Variants in RASAL2 observed in about 807,000 individuals in gnomAD.
RASAL2 encodes the protein RAS protein activator like 2, also known as ras GTPase-activating protein nGAP.
RASAL2 carries 58 observed loss-of-function variants against 128.9 expected under a neutral mutation model. The observed-to-expected ratio is 0.45, with a 90% CI of 0.36 to 0.56. The LOEUF is 0.56. Ranked by LOEUF, RASAL2 falls within the 20% of genes least tolerant of loss-of-function variation. The pLI is 0.00. For missense variants in RASAL2, 1,360 were observed against 1,601.6 expected, an observed-to-expected ratio of 0.85 and a Z score of 2.57; for synonymous variants, 561 against 580.8, an observed-to-expected ratio of 0.97 and a Z score of 0.49.
rs77534876 is a variant in RASAL2, at chr1:178,365,144, G to A, written c.458-24956G>A. ...CTATGTATATATTAAATATTCATAT[G>A]ATGGGAATACTTCTGATGCTAACAT... On this transcript the variant is annotated intron_variant, in intron 3 of 17. Coordinates refer to ENST00000367649, the MANE Select transcript of RASAL2 (RefSeq NM_170692.4). Among the ~76,000 whole-genome samples, 937 of 151,748 alleles carry A rather than the reference G, an allele frequency of 6.2e-3. 6 individuals carry two copies. Among genetic ancestry groups the A allele is most frequent in the African/African-American group, 0.021 (878 of 41,350 alleles).
At chr1:178,241,669 CA>C (rs1664504294) in intron 1 of RASAL2, among the ~76,000 whole-genome samples, 1 of 152,102 alleles carries the variant, frequency 6.6e-6, no homozygotes, top group Admixed American at 6.6e-5. Flanking sequence ...AATGGATGAC[CA>C]AAGTATTGCA....
chr1:178,380,964 G>A (rs764249065), intron 3 of RASAL2, among the ~76,000 whole-genome samples: 9 of 152,100 alleles, frequency 5.9e-5, no homozygotes, highest in Non-Finnish European at 1.2e-4. Flanking sequence ...TGAGTAATTA[G>A]GCCTGGTTTT....
At chr1:178,118,445 G>T (rs533988003) in intron 1 of RASAL2, among the ~76,000 whole-genome samples, 1 of 152,148 alleles carries the variant, frequency 6.6e-6, no homozygotes, top group Non-Finnish European at 1.5e-5. Context: ...TCATCTGGGG[G>T]TGATGGGAGA....
chr1:178,450,994 C>T (rs923092988), intron 9 of RASAL2, among the ~76,000 whole-genome samples: 2 of 152,104 alleles, frequency 1.3e-5, no homozygotes, highest in African/African-American at 4.8e-5. Context: ...CGTATGAACA[C>T]GGCTTCTAAA....
At chr1:178,433,458 C>T (rs1363555430) in intron 5 of RASAL2, among the ~76,000 whole-genome samples, 1 of 152,106 alleles carries the variant, frequency 6.6e-6, no homozygotes, top group African/African-American at 2.4e-5. Context: ...TTTTCTTCTT[C>T]ACCTTTGTAT....
intron 4 of RASAL2, among the ~76,000 whole-genome samples, chr1:178,402,625 T>C (rs1673714574): frequency 6.6e-6 from 1 of 152,188 alleles, no homozygotes; most frequent in African/African-American, 2.4e-5. Flanking sequence ...AACAAATCCA[T>C]CCTGATAGAC....
At chr1:178,158,443 A>G (rs1252600795) in intron 1 of RASAL2, among the ~76,000 whole-genome samples, 1 of 152,156 alleles carries the variant, frequency 6.6e-6, no homozygotes, top group African/African-American at 2.4e-5. Context: ...CATGAATGGT[A>G]GTGATTCTTA....
At chr1:178,160,399 C>T (rs1342296767) in intron 1 of RASAL2, among the ~76,000 whole-genome samples, 1 of 152,150 alleles carries the variant, frequency 6.6e-6, no homozygotes, top group African/African-American at 2.4e-5. Context: ...CTTCGGGAGG[C>T]CGAGATGGGT....
intron 1 of RASAL2, among the ~76,000 whole-genome samples, chr1:178,227,926 A>G (rs983605234): frequency 2.2e-4 from 33 of 152,320 alleles, no homozygotes; most frequent in African/African-American, 7.0e-4. Context: ...GAGATTATAC[A>G]TCCTGTGAAT....
intron 1 of RASAL2, among the ~76,000 whole-genome samples, chr1:178,134,302 G>T (rs934290652): frequency 6.6e-6 from 1 of 151,894 alleles, no homozygotes; most frequent in Non-Finnish European, 1.5e-5. Flanking sequence ...CTGTAGAGCT[G>T]TTTGGGTAAT....
At chr1:178,322,082 C>T (rs1668817551) in intron 3 of RASAL2, among the ~76,000 whole-genome samples, 1 of 152,108 alleles carries the variant, frequency 6.6e-6, no homozygotes, top group East Asian at 1.9e-4. Flanking sequence ...ATACTCCCAC[C>T]TCGGCCTCCC....
At chr1:178,204,694 C>T (rs1363903633) in intron 1 of RASAL2, among the ~76,000 whole-genome samples, 1 of 152,146 alleles carries the variant, frequency 6.6e-6, no homozygotes, top group African/African-American at 2.4e-5. Flanking sequence ...TTGAGTAAAT[C>T]CATCCTATAT....
At position 178,457,872 on chromosome 1, in the gene RASAL2, A is replaced by C; in HGVS notation, c.2580A>C (p.Gln860His). ...LMDLQDTHAA[Q>H]VEHASVMLDV... ...ACCTCCAGGACACTCATGCTGCTCA[A>C]GTGGAGCATGCATCTGTCATGCTTG... The change falls in exon 14 of 18, where the codon CAA (glutamine) becomes CAC (histidine). Residue 860 changes from glutamine to histidine, a missense_variant. Physicochemically the swap from Gln to His is conservative, Grantham distance 24 (BLOSUM62 0). Transcript: ENST00000367649. The C allele has an allele frequency of 6.2e-7, 1 of 1,614,174 alleles. No homozygotes were observed. Among genetic ancestry groups the C allele is most frequent in the Non-Finnish European group, 8.5e-7 (1 of 1,180,022 alleles).
chr1:178,285,319 A>G (rs986009043), intron 2 of RASAL2, among the ~76,000 whole-genome samples: 4 of 149,900 alleles, frequency 2.7e-5, no homozygotes, highest in Admixed American at 6.6e-5. Context: ...ACGGGGTTTC[A>G]CCTTGTTAGC....
intron 1 of RASAL2, among the ~76,000 whole-genome samples, chr1:178,230,185 A>G (rs989765305): frequency 5.3e-5 from 8 of 152,106 alleles, no homozygotes; most frequent in African/African-American, 1.2e-4. Context: ...AAACACCACA[A>G]TGTATTTAGA....
chr1:178,355,247 C>T (rs911228351), intron 3 of RASAL2, among the ~76,000 whole-genome samples: 10 of 152,134 alleles, frequency 6.6e-5, no homozygotes, highest in African/African-American at 2.4e-4. Flanking sequence ...CTTTATAAAA[C>T]TATATTAATT....
chr1:178,207,025 T>C (rs912868916), intron 1 of RASAL2, among the ~76,000 whole-genome samples: 1 of 151,512 alleles, frequency 6.6e-6, no homozygotes, highest in Non-Finnish European at 1.5e-5. Context: ...AAATAAAAAA[T>C]ATATATATTA....
intron 1 of RASAL2, among the ~76,000 whole-genome samples, chr1:178,233,193 G>A (rs1254312902): frequency 2.6e-5 from 4 of 152,212 alleles, no homozygotes; most frequent in Admixed American, 2.0e-4. Flanking sequence ...GCAGTCAAAT[G>A]TTTTGGACTG....
chr1:178,314,461 T>A (rs1571839593), intron 3 of RASAL2, among the ~76,000 whole-genome samples: 1 of 152,182 alleles, frequency 6.6e-6, no homozygotes, highest in East Asian at 1.9e-4. Flanking sequence ...TGCATGAAAA[T>A]GAAATAAATA....
Sources: gnomAD v4.1 joint callset for allele counts (sites outside exome capture counted in the v4.1 genomes callset) on GRCh38, gnomAD v4.1.1 for gene constraint, MANE v1.5 for transcripts, NCBI Gene and HGNC (gene_info 2026-07-23, HGNC 2026-07-21) for gene names.